The following ANK1 variants were observed in gnomAD, a reference collection of about 807,000 sequenced individuals.
ANK1 encodes ankyrin 1.
Under a neutral mutation model 210.4 loss-of-function variants are expected in ANK1, and 51 were observed. That is an observed-to-expected ratio of 0.24 (90% CI 0.19 to 0.31). ANK1 has a LOEUF of 0.31. ANK1 is among the 10% of genes least tolerant of loss of function. The pLI is 1.00. For synonymous variants in ANK1, 967 were observed against 1,025.9 expected, an observed-to-expected ratio of 0.94 and a Z score of 1.10; for missense variants, 2,051 against 2,504.4, an observed-to-expected ratio of 0.82 and a Z score of 3.86.
At chr8:41,856,458 G>A (rs562932284) in intron 1 of ANK1, among the ~76,000 whole-genome samples, 3 of 152,260 alleles carry the variant, frequency 2.0e-5, no homozygotes, top group East Asian at 1.9e-4. Context: ...ACCTGGATTC[G>A]AATCCCAGTT....
chr8:41,893,164 C>T (rs6995213), intron 1 of ANK1, among the ~76,000 whole-genome samples: 8,929 of 152,262 alleles, frequency 0.059, 657 homozygotes, highest in African/African-American at 0.16. Context: ...AAAGCACACA[C>T]ATTCTTATGC....
intron 1 of ANK1, among the ~76,000 whole-genome samples, chr8:41,804,355 C>T (rs543685548): frequency 6.6e-6 from 1 of 152,342 alleles, no homozygotes; most frequent in South Asian, 2.1e-4. Flanking sequence ...CACATATCAT[C>T]ACTTCTGCCA....
chr8:41,683,127 C>G (rs1039608365), intron 37 of ANK1, among the ~76,000 whole-genome samples: 1 of 152,172 alleles, frequency 6.6e-6, no homozygotes, highest in African/African-American at 2.4e-5. Flanking sequence ...CGCACACACA[C>G]AAGTACACCC....
At chr8:41,787,556 A>G (rs12548116) in intron 1 of ANK1, among the ~76,000 whole-genome samples, 120,514 of 152,138 alleles carry the variant, frequency 0.79, 48,602 homozygotes, top group African/African-American at 0.88. Flanking sequence ...CAACACAGAG[A>G]CATAGCCCCA....
At position 41,688,505 on chromosome 8, in the gene ANK1, C is replaced by G; in HGVS notation, c.4183+6G>C. The G allele has an allele frequency of 6.2e-7, 1 of 1,613,790 alleles. No homozygotes were observed. The highest frequency in any genetic ancestry group is 8.5e-7 in the Non-Finnish European group (1 of 1,179,668). Reference sequence around the variant, plus strand: ...GCAAGCATGCATCATCACACAGAGGCCGTACCTGGTGTGGACTCACTGAGA... The same window carrying G: ...GCAAGCATGCATCATCACACAGAGGGCGTACCTGGTGTGGACTCACTGAGA... On this transcript the variant is annotated splice_donor_region_variant and intron_variant, in intron 34 of 42. Transcript: ENST00000289734.
chr8:41,771,847 T>C (rs562431730), intron 1 of ANK1, among the ~76,000 whole-genome samples: 1 of 152,286 alleles, frequency 6.6e-6, no homozygotes, highest in South Asian at 2.1e-4. Flanking sequence ...CTGTTCTCAG[T>C]ATAGACAGGG....
intron 40 of ANK1, among the ~76,000 whole-genome samples, chr8:41,663,229 C>T (rs1461843695): frequency 1.3e-5 from 2 of 152,084 alleles, no homozygotes; most frequent in African/African-American, 4.8e-5. Context: ...AAGCGATCCT[C>T]CTGCCTTGGC....
chr8:41,655,979 C>T lies in ANK1; in HGVS notation c.*37-226G>A, dbSNP rs535279125. 9.8e-4 allele frequency among the ~76,000 whole-genome samples: 149 copies of T among 152,368 alleles called. 1 individual carries two copies. The highest frequency in any genetic ancestry group is 1.9e-3 in the Non-Finnish European group (128 of 68,042). On this transcript the variant is annotated intron_variant, in intron 42 of 42. Transcript: ENST00000289734. ...CTATGCAGAGGCTGTTCCTCAGAGC[C>T]GCCACCCAGGCCTCATGAATTCCTT...
At chr8:41,803,012 A>G (rs1850211193) in intron 1 of ANK1, among the ~76,000 whole-genome samples, 1 of 96,160 alleles carries the variant, frequency 1.0e-5, no homozygotes, top group Non-Finnish European at 2.1e-5. Flanking sequence ...AAAGAAAGAA[A>G]GAAAGAAAGA....
intron 1 of ANK1, among the ~76,000 whole-genome samples, chr8:41,788,179 G>C (rs1846823282): frequency 6.6e-6 from 1 of 152,166 alleles, no homozygotes; most frequent in Non-Finnish European, 1.5e-5. Flanking sequence ...CAGTCTCGAT[G>C]ACAGATTCAA....
rs561967452 is a variant in ANK1, at chr8:41,662,611, G to A, written c.5479-670C>T. 1.8e-4 allele frequency among the ~76,000 whole-genome samples: 27 copies of A among 152,270 alleles called. No homozygotes were observed. In the South Asian group the frequency reaches 4.2e-3, roughly 23 times the overall value. ...ATCTCTTTTTCACCCACCCATTCCC[G>A]TATTCACCTGTCCAAATCTTCAAAC... is the stretch of plus-strand genomic sequence containing the variant. On this transcript the variant is annotated intron_variant, in intron 40 of 42. Coordinates refer to ENST00000289734, the MANE Select transcript of ANK1 (RefSeq NM_000037.4).
At chr8:41,751,189 TA>T (rs1474994137) in intron 2 of ANK1, among the ~76,000 whole-genome samples, 9 of 152,234 alleles carry the variant, frequency 5.9e-5, no homozygotes, top group African/African-American at 1.7e-4. Flanking sequence ...GATATTAATC[TA>T]ACAATAATTC....
At chr8:41,837,340 T>C (rs1807943336) in intron 1 of ANK1, among the ~76,000 whole-genome samples, 1 of 152,180 alleles carries the variant, frequency 6.6e-6, no homozygotes, top group African/African-American at 2.4e-5. Context: ...CAGTCTACTT[T>C]TCATAACGAA....
chr8:41,694,869 C>T lies in ANK1; in HGVS notation c.3116-66G>A, dbSNP rs1820380182. The T allele has an allele frequency of 6.6e-7, 1 of 1,518,618 alleles. No homozygotes were observed. The highest frequency in any genetic ancestry group is 9.1e-7 in the Non-Finnish European group (1 of 1,103,240). 94.1% of individuals were successfully genotyped at this position (1,518,618 alleles called of 1,614,324 possible). On this transcript the variant is annotated intron_variant, in intron 27 of 42. Transcript: ENST00000289734. This position sits in a 1 kb window ranked among gnomAD's most constrained non-coding sequence, Gnocchi z 5.7. Reference sequence around the variant, plus strand: ...GCACAGGTTCAGGACTTCCAGGGGCCCCAGAGTCTCCTTGTCCCCAAGACC... The same window carrying T: ...GCACAGGTTCAGGACTTCCAGGGGCTCCAGAGTCTCCTTGTCCCCAAGACC...
chr8:41,695,454 C>G, intron 26 of ANK1, 123 bp from the exon 27 acceptor site: 2 of 1,366,078 alleles, frequency 1.5e-6, no homozygotes, highest in South Asian at 2.4e-5. Context: ...CGTGGAGGCC[C>G]CACCTGCAGG....
chr8:41,812,330 C>T (rs1025826915), intron 1 of ANK1, among the ~76,000 whole-genome samples: 7 of 152,042 alleles, frequency 4.6e-5, no homozygotes, highest in African/African-American at 7.3e-5. Flanking sequence ...GGGAGTCCCA[C>T]AAAATATGAG....
rs564128581 is a variant in ANK1 at position 41,827,908 on chromosome 8, G to A, written c.126+68447C>T. On this transcript the variant is annotated intron_variant, in intron 1 of 42. Transcript: ENST00000265709. ...CTCACGCCCACACATGCACACTCAC[G>A]TGCACACACCCACATACACACACGC... Among the ~76,000 whole-genome samples the A allele has an allele frequency of 3.4e-5, 5 of 147,200 alleles. No homozygotes were observed. The East Asian group carries it at 1.0e-3, about 29-fold the overall frequency.
At chr8:41,663,173 A>T (rs1306673485) in intron 40 of ANK1, among the ~76,000 whole-genome samples, 1 of 151,118 alleles carries the variant, frequency 6.6e-6, no homozygotes, top group African/African-American at 2.4e-5. Flanking sequence ...TTTTTTAGAG[A>T]TGGAGTCTTG....
At chr8:41,664,015 G>C (rs1228606250) in intron 39 of ANK1, 3 of 591,600 alleles carry the variant, frequency 5.1e-6, no homozygotes, top group Non-Finnish European at 6.3e-6. Context: ...CTGCAAAATG[G>C]GGGCAATTAT....
Sources: gnomAD v4.1 joint callset for allele counts (sites outside exome capture counted in the v4.1 genomes callset) on GRCh38, gnomAD v4.1.1 for gene constraint, Gnocchi (gnomAD v3.1) non-coding constraint, MANE v1.5 for transcripts, NCBI Gene and HGNC (gene_info 2026-07-23, HGNC 2026-07-21) for gene names.